FBXL17: variants seen among roughly 807,000 people sequenced by gnomAD.
The protein encoded by FBXL17 is F-box and leucine rich repeat protein 17.
A neutral mutation model predicts 66.2 loss-of-function variants in FBXL17; 22 were observed. That is an observed-to-expected ratio of 0.33 (90% confidence interval 0.24 to 0.47). FBXL17 has a LOEUF of 0.47. FBXL17 is among the 20% of genes least tolerant of loss of function. FBXL17 has a pLI of 1.00. For missense variants in FBXL17, 878 were observed against 948.2 expected (o/e 0.93, Z 0.97); for synonymous variants, 474 against 400.5 (o/e 1.18, Z -2.19).
intron 7 of FBXL17, among the ~76,000 whole-genome samples, chr5:107,890,666 G>GA (rs35872433): frequency 0.046 from 5,809 of 126,978 alleles, 155 homozygotes; most frequent in Non-Finnish European, 0.06. Flanking sequence ...CTTGTCTTAG[G>GA]AAAAAAAAAA....
intron 5 of FBXL17, among the ~76,000 whole-genome samples, chr5:108,203,299 G>A (rs1362772820): frequency 6.6e-6 from 1 of 151,994 alleles, no homozygotes; most frequent in African/African-American, 2.4e-5. Flanking sequence ...TGAGGAAACT[G>A]AGGCAGAGAG....
Position 108,340,235 on chromosome 5 carries a change from G to T in FBXL17, c.1506+8164C>A, listed in dbSNP as rs529263127. Reference sequence around the variant, plus strand: ...TGAGTAAAAATGTATTTATTCTTCAGATTGAAATTATACTGTCAAAAAAAC... The same window carrying T: ...TGAGTAAAAATGTATTTATTCTTCATATTGAAATTATACTGTCAAAAAAAC... On this transcript the variant is annotated intron_variant, in intron 4 of 8. Transcript: ENST00000542267. Among the ~76,000 whole-genome samples the T allele has an allele frequency of 5.3e-5, 8 of 150,978 alleles. No individual in the cohort carries two copies. The East Asian group carries it at 1.6e-3, about 31-fold the overall frequency.
chr5:108,176,202 A>G (rs34386), intron 6 of FBXL17, among the ~76,000 whole-genome samples: 106,105 of 151,960 alleles, frequency 0.7, 37,428 homozygotes, highest in East Asian at 0.93. Flanking sequence ...TTATAACGCC[A>G]TATTCATCAT....
chr5:107,873,341 G>GT (rs1202891750), intron 8 of FBXL17, among the ~76,000 whole-genome samples: 4 of 152,184 alleles, frequency 2.6e-5, no homozygotes, highest in African/African-American at 9.7e-5. Flanking sequence ...CTTGTTCACT[G>GT]TTTTTTCTGA....
chr5:108,298,265 A>C, intron 4 of FBXL17: 2 of 984,682 alleles, frequency 2.0e-6, no homozygotes, highest in Non-Finnish European at 2.4e-6. Flanking sequence ...ACTTCTTACT[A>C]CTATGTGAAC....
In FBXL17 at chr5:108,255,836, G is replaced by A. The variant is rs1175293615; in HGVS notation, c.1507-31608C>T. On this transcript the variant is annotated intron_variant, in intron 4 of 8. Transcript: ENST00000542267. ...AAATTAGAACTAAAAATATAATGTCGATGAAAAGGTTTTGTTCCTGCCAAT... is the reference window on the plus strand; with the variant it reads ...AAATTAGAACTAAAAATATAATGTCAATGAAAAGGTTTTGTTCCTGCCAAT... 1.1e-4 allele frequency among the ~76,000 whole-genome samples: 17 copies of A among 152,244 alleles called. No individual in the cohort carries two copies. In the East Asian group the frequency reaches 1.7e-3, roughly 16 times the overall value.
intron 8 of FBXL17, among the ~76,000 whole-genome samples, chr5:107,865,216 C>T (rs976055133): frequency 1.3e-5 from 2 of 152,098 alleles, no homozygotes; most frequent in African/African-American, 4.8e-5. Context: ...AGTTTTGTAC[C>T]TAGGGTTGAC....
At chr5:108,226,628 G>T (rs1199099526) in intron 4 of FBXL17, among the ~76,000 whole-genome samples, 1 of 152,092 alleles carries the variant, frequency 6.6e-6, no homozygotes, top group Non-Finnish European at 1.5e-5. Context: ...CATTATTCTG[G>T]GTATTCCTGT....
chr5:108,203,994 A>G (rs944667907), intron 5 of FBXL17, among the ~76,000 whole-genome samples: 1 of 152,156 alleles, frequency 6.6e-6, no homozygotes, highest in Non-Finnish European at 1.5e-5. Flanking sequence ...TTATGATACA[A>G]GAAAATATCA....
At chr5:108,157,750 T>C (rs980779821) in intron 6 of FBXL17, among the ~76,000 whole-genome samples, 1 of 152,030 alleles carries the variant, frequency 6.6e-6, no homozygotes, top group South Asian at 2.1e-4. Flanking sequence ...CACTAATTTT[T>C]ACTTGATAGA....
At chr5:107,929,332 C>A (rs1478767401) in intron 7 of FBXL17, among the ~76,000 whole-genome samples, 4 of 152,122 alleles carry the variant, frequency 2.6e-5, no homozygotes, top group Non-Finnish European at 5.9e-5. Context: ...ACTCTGGTCT[C>A]ATTACTTAAA....
chr5:108,150,912 A>G (rs1751748156), intron 6 of FBXL17, among the ~76,000 whole-genome samples: 1 of 152,200 alleles, frequency 6.6e-6, no homozygotes, highest in South Asian at 2.1e-4. Flanking sequence ...TTGAGACTAC[A>G]AAATTATCTT....
chr5:108,140,145 AAG>A (rs1405175997), intron 6 of FBXL17, among the ~76,000 whole-genome samples: 2 of 152,248 alleles, frequency 1.3e-5, no homozygotes, highest in African/African-American at 4.8e-5. Context: ...TCCTGGGCTC[AAG>A]CAATCCTCCT....
At chr5:108,183,397 A>T (rs1215605917) in intron 6 of FBXL17, among the ~76,000 whole-genome samples, 1 of 152,178 alleles carries the variant, frequency 6.6e-6, no homozygotes, top group Non-Finnish European at 1.5e-5. Context: ...ATATTAAACT[A>T]ATGTTAGATA....
chr5:108,089,686 T>A (rs1276045406), intron 6 of FBXL17, among the ~76,000 whole-genome samples: 1 of 152,234 alleles, frequency 6.6e-6, no homozygotes, highest in Non-Finnish European at 1.5e-5. Flanking sequence ...CACAGCTTTT[T>A]TCCCCTTGTT....
chr5:108,116,910 A>G (rs968926474), intron 6 of FBXL17, among the ~76,000 whole-genome samples: 5 of 152,088 alleles, frequency 3.3e-5, no homozygotes, highest in Admixed American at 1.3e-4. Context: ...TACAATCAGA[A>G]AAGGGGAGAG....
intron 7 of FBXL17, among the ~76,000 whole-genome samples, chr5:107,983,903 G>A (rs535033073): frequency 1.4e-4 from 21 of 152,234 alleles, no homozygotes; most frequent in Non-Finnish European, 2.9e-4. Flanking sequence ...AACAAAGGTG[G>A]GGAGGGTATC....
intron 8 of FBXL17, among the ~76,000 whole-genome samples, chr5:107,874,796 T>C (rs1231011809): frequency 6.6e-6 from 1 of 152,200 alleles, no homozygotes; most frequent in Admixed American, 6.5e-5. Context: ...TTTCCCTGTT[T>C]CAATTACCAG....
rs551465353 is a variant in FBXL17, at chr5:107,943,180, A to G, written c.1823-62001T>C. On this transcript the variant is annotated intron_variant, in intron 7 of 8. Coordinates refer to ENST00000542267, the MANE Select transcript of FBXL17 (RefSeq NM_001163315.3). Reference sequence around the variant, plus strand: ...TATCCTGCAGACTTCAATCAACTCTACACTTTGAGTCCCAGACTCTCCTAA... The same window carrying G: ...TATCCTGCAGACTTCAATCAACTCTGCACTTTGAGTCCCAGACTCTCCTAA... 1.1e-4 allele frequency among the ~76,000 whole-genome samples: 17 copies of G among 152,188 alleles called. No individual in the cohort carries two copies. The East Asian group carries it at 3.3e-3, about 29-fold the overall frequency.
Sources: allele counts gnomAD v4.1 joint callset (sites outside exome capture counted in the v4.1 genomes callset), GRCh38; gene constraint gnomAD v4.1.1; transcripts MANE v1.5; gene names NCBI Gene and HGNC (gene_info 2026-07-23, HGNC 2026-07-21).